The following EFR3A variants were observed in gnomAD, a reference collection of about 807,000 sequenced individuals.
EFR3A encodes protein EFR3 homolog A.
EFR3A carries 76 observed loss-of-function variants against 104.4 expected under a neutral mutation model. The observed-to-expected ratio is 0.73, with a 90% confidence interval of 0.60 to 0.88. The LOEUF (loss-of-function observed/expected upper bound fraction) is 0.88. Among genes scored for constraint, EFR3A ranks in the 40% least tolerant of loss-of-function variants. EFR3A has a pLI of 0.00. For missense variants in EFR3A, 985 were observed against 1,012.5 expected (o/e 0.97, Z 0.37); for synonymous variants, 330 against 330.0 (o/e 1.00, Z 0.00).
chr8:131,968,121 A>G (rs1819855398), intron 8 of EFR3A, among the ~76,000 whole-genome samples, 174 bp from the exon 9 acceptor site: 1 of 152,048 alleles, frequency 6.6e-6, no homozygotes, highest in Admixed American at 6.6e-5. Context: ...ATTTTCCAGC[A>G]TCTCTGTTTA....
At chr8:131,962,176 A>G (rs1265276189) in intron 8 of EFR3A, among the ~76,000 whole-genome samples, 1 of 152,214 alleles carries the variant, frequency 6.6e-6, no homozygotes, top group Non-Finnish European at 1.5e-5. Context: ...ACCAGCTAAC[A>G]TCATAATGAC....
chr8:131,955,846 A>G lies in EFR3A; in HGVS notation c.717A>G (p.Arg239=). Residue 239 remains arginine, a synonymous_variant, in exon 7 of 23, where the codon AGA becomes AGG. Transcript: ENST00000254624. ...NPAVLAENCF[R]ELLGRATFGN... is the part of the protein sequence containing the mutation. ...CTGTGCTGGCTGAAAACTGTTTCAG[A>G]GAACTGCTGGGTCGAGCAACTTTTG... 1 of 1,613,632 alleles carries G rather than the reference A, an allele frequency of 6.2e-7. No individual in the cohort carries two copies. The highest frequency in any genetic ancestry group is 8.5e-7 in the Non-Finnish European group (1 of 1,179,646).
At chr8:131,910,408 A>G (rs1315311681) in intron 1 of EFR3A, among the ~76,000 whole-genome samples, 1 of 152,148 alleles carries the variant, frequency 6.6e-6, no homozygotes, top group Non-Finnish European at 1.5e-5. Context: ...AGTAGCTGGG[A>G]CTACAGGTGT....
chr8:131,977,799 T>C (rs1174952432), intron 12 of EFR3A, among the ~76,000 whole-genome samples: 1 of 152,150 alleles, frequency 6.6e-6, no homozygotes, highest in East Asian at 1.9e-4. Context: ...GCTTGTCATT[T>C]AGAAGTTTTG....
chr8:132,000,715 A>T (rs972229463), intron 19 of EFR3A: 3 of 152,194 alleles, frequency 2.0e-5, no homozygotes, highest in African/African-American at 7.2e-5. Flanking sequence ...GCTTATAAGT[A>T]CAAATAATTG....
intron 14 of EFR3A, among the ~76,000 whole-genome samples, chr8:131,982,786 A>G (rs1413315449): frequency 6.6e-6 from 1 of 152,134 alleles, no homozygotes; most frequent in Non-Finnish European, 1.5e-5. Context: ...AGAGGACCCA[A>G]TGCATAGTTT....
At chr8:131,972,180 A>G (rs1483037875) in intron 10 of EFR3A, among the ~76,000 whole-genome samples, 1 of 151,972 alleles carries the variant, frequency 6.6e-6, no homozygotes, top group African/African-American at 2.4e-5. Flanking sequence ...TACTGTAGTT[A>G]ATCATTTTAG....
Position 131,987,648 on chromosome 8 carries a change from G to A in EFR3A, c.2011G>A (p.Gly671Arg). The change falls in exon 18 of 23, where the codon GGA becomes AGA. Residue 671 changes from glycine to arginine, a missense_variant. Coordinates refer to ENST00000254624, the MANE Select transcript of EFR3A (RefSeq NM_015137.6). ...LTNKIAESLG[G>R]SGYSVERLSV... ...CAACAAGATTGCAGAGTCGCTAGGT[G>A]GAAGTGGATATAGTGTTGAGAGATT... The A allele has an allele frequency of 6.3e-7, 1 of 1,597,366 alleles. No homozygotes were observed. The highest frequency in any genetic ancestry group is 1.1e-5 in the South Asian group (1 of 88,416).
At position 131,955,785 on chromosome 8, in the gene EFR3A, C is replaced by CG. The variant is rs1425618849; in HGVS notation, c.656_657insG (p.Ser220PhefsTer6). The CG allele has an allele frequency of 1.2e-6, 2 of 1,612,918 alleles. No homozygotes were observed. Among genetic ancestry groups the CG allele is most frequent in the Non-Finnish European group, 1.7e-6 (2 of 1,179,278 alleles). On this transcript the variant is annotated frameshift_variant, in exon 7 of 23. Transcript: ENST00000254624. LOFTEE classifies it high-confidence loss of function. ...CTTTTTAGTCGCATAGGCCCTCCTT[C>CG]TTCTCCTTCTGCAACTGACAAAGAA...
intron 19 of EFR3A, among the ~76,000 whole-genome samples, chr8:131,999,338 A>G (rs1238023810): frequency 6.6e-6 from 1 of 152,152 alleles, no homozygotes; most frequent in Non-Finnish European, 1.5e-5. Flanking sequence ...AATATTAGTC[A>G]CACTCTGTGG....
At chr8:131,966,757 G>A (rs572840992) in intron 8 of EFR3A, among the ~76,000 whole-genome samples, 12 of 152,200 alleles carry the variant, frequency 7.9e-5, no homozygotes, top group African/African-American at 2.2e-4. Context: ...ATTATGTTGC[G>A]TCTTAAAGCG....
intron 18 of EFR3A, among the ~76,000 whole-genome samples, chr8:131,991,211 T>C (rs952473497): frequency 6.6e-6 from 1 of 152,122 alleles, no homozygotes; most frequent in Non-Finnish European, 1.5e-5. Flanking sequence ...TCATGAGACT[T>C]ATTCACTATC....
In EFR3A at chr8:132,008,056, GACAC is replaced by G. The variant is rs1289804641; in HGVS notation, c.2361-2730_2361-2727del. 9.2e-5 allele frequency among the ~76,000 whole-genome samples: 14 copies of G among 151,948 alleles called. No individual in the cohort carries two copies. The South Asian group carries it at 1.5e-3, about 16-fold the overall frequency. On this transcript the variant is annotated intron_variant, in intron 22 of 22. Coordinates refer to ENST00000254624, the MANE Select transcript of EFR3A (RefSeq NM_015137.6). ...TAAAATGAGCAAAAAGATTTCTTAG[GACAC>G]ACAAAGTACTAAACAAAATTGGTAA...
intron 22 of EFR3A, among the ~76,000 whole-genome samples, chr8:132,009,287 A>G (rs557090604): frequency 2.6e-5 from 4 of 152,226 alleles, no homozygotes; most frequent in African/African-American, 4.8e-5. Context: ...ATAAATGGAA[A>G]CATCTTATTC....
intron 13 of EFR3A, 113 bp from the exon 14 acceptor site, chr8:131,979,233 T>A: frequency 1.0e-6 from 1 of 982,386 alleles, no homozygotes; most frequent in African/African-American, 1.6e-5. Context: ...TTCAGTAGTA[T>A]CATTACATAC....
chr8:132,003,360 G>A lies in EFR3A; in HGVS notation c.2360+75G>A. On this transcript the variant is annotated intron_variant, in intron 22 of 22. Transcript: ENST00000254624. ...ACTGACAGACCCCTATGAATTTGTGGTTCATTATGTTTAAGTTATCATGTT... is the reference window on the plus strand; with the variant it reads ...ACTGACAGACCCCTATGAATTTGTGATTCATTATGTTTAAGTTATCATGTT... The A allele has an allele frequency of 3.1e-6, 4 of 1,302,980 alleles. No individual in the cohort carries two copies. In the South Asian group the frequency reaches 5.3e-5, roughly 17 times the overall value. 80.7% of individuals were successfully genotyped at this position (1,302,980 alleles called of 1,614,324 possible).
In EFR3A at chr8:132,012,917, G is replaced by A. The variant is rs1247005204; in HGVS notation, c.*2022G>A. ...TTATCACACCTTTATCTTGGTCTTT[G>A]TTGATTTGGGTTTTGTTGGGGTTTT... On this transcript the variant is annotated 3_prime_UTR_variant, in exon 23 of 23. Coordinates refer to ENST00000254624, the MANE Select transcript of EFR3A (RefSeq NM_015137.6). 1 of 152,110 alleles carries A rather than the reference G, an allele frequency of 6.6e-6. No homozygotes were observed. Among genetic ancestry groups the A allele is most frequent in the African/African-American group, 2.4e-5 (1 of 41,426 alleles). The allele number at this position is 152,110 out of a possible 1,614,324, so 9.4% of individuals were successfully genotyped here.
At chr8:131,934,246 C>T (rs751820033) in intron 1 of EFR3A, among the ~76,000 whole-genome samples, 3 of 152,074 alleles carry the variant, frequency 2.0e-5, no homozygotes, top group Non-Finnish European at 4.4e-5. Context: ...TCCCATGTGC[C>T]GTCCTGCCTA....
intron 1 of EFR3A, among the ~76,000 whole-genome samples, chr8:131,915,832 A>G (rs72728676): frequency 0.089 from 13,627 of 152,308 alleles, 868 homozygotes; most frequent in Middle Eastern, 0.22. Flanking sequence ...AAGGCTGTGT[A>G]TGTGTGCACA....
Sources: allele counts gnomAD v4.1 joint callset (sites outside exome capture counted in the v4.1 genomes callset), GRCh38; gene constraint gnomAD v4.1.1; transcripts MANE v1.5; gene names NCBI Gene and HGNC (gene_info 2026-07-23, HGNC 2026-07-21).